SRPK2: variants seen among roughly 807,000 people sequenced by gnomAD.
SRPK2 encodes the protein SFRS protein kinase 2.
Under a neutral mutation model 90.8 loss-of-function variants are expected in SRPK2, and 21 were observed. The ratio of observed to expected loss-of-function variants is 0.23; its 90% CI spans 0.16 to 0.33. The LOEUF (loss-of-function observed/expected upper bound fraction) is 0.33. Ranked by LOEUF, SRPK2 falls within the 10% of genes least tolerant of loss-of-function variation. The pLI is 1.00. For missense variants in SRPK2, 620 were observed against 869.0 expected (o/e 0.71, Z 3.60); for synonymous variants, 288 against 311.1 (o/e 0.93, Z 0.78).
rs575674549 is a variant in SRPK2, at chr7:105,233,080, A to G, written c.72-29295T>C. Among the ~76,000 whole-genome samples the G allele has an allele frequency of 8.9e-4, 104 of 117,158 alleles. 1 individual carries two copies. Among genetic ancestry groups the G allele is most frequent in the Admixed American group, 2.6e-3 (29 of 11,244 alleles). The allele number at this position is 117,158 out of a possible 152,430, so 76.9% of individuals were successfully genotyped here. On this transcript the variant is annotated intron_variant, in intron 2 of 15. Coordinates refer to ENST00000393651, the MANE Select transcript of SRPK2 (RefSeq NM_182692.3). ...GGAGGGAGCAAGGAAGGAAGGAAGG[A>G]AAGGAAGGAAAGAAGGAAGGAAGGA...
intron 2 of SRPK2, among the ~76,000 whole-genome samples, chr7:105,211,700 G>A (rs959004993): frequency 1.3e-5 from 2 of 151,998 alleles, no homozygotes; most frequent in African/African-American, 2.4e-5. Context: ...TCCAACATTC[G>A]GGATTACAAT....
At chr7:105,149,396 G>A (rs1181965049) in intron 7 of SRPK2, among the ~76,000 whole-genome samples, 2 of 152,098 alleles carry the variant, frequency 1.3e-5, no homozygotes, top group Non-Finnish European at 2.9e-5. Flanking sequence ...AGATTCTATT[G>A]CTCACGTGTT....
At chr7:105,173,394 A>G (rs1791405841) in intron 3 of SRPK2, among the ~76,000 whole-genome samples, 1 of 152,194 alleles carries the variant, frequency 6.6e-6, no homozygotes. Context: ...TTTCCTACAC[A>G]ATCAAGTATC....
chr7:105,210,632 T>C (rs1384296462), intron 2 of SRPK2, among the ~76,000 whole-genome samples: 1 of 152,022 alleles, frequency 6.6e-6, no homozygotes, highest in Admixed American at 6.5e-5. Context: ...AATCTCCTGC[T>C]TCTCTTGAGT....
chr7:105,335,580 C>A (rs1411702197), intron 2 of SRPK2, among the ~76,000 whole-genome samples: 1 of 151,082 alleles, frequency 6.6e-6, no homozygotes, highest in Non-Finnish European at 1.5e-5. Context: ...TCGACTGAGC[C>A]CAGGAGGTGG....
chr7:105,387,501 TG>T, intron 2 of SRPK2, among the ~76,000 whole-genome samples: 1 of 144,038 alleles, frequency 6.9e-6, no homozygotes, highest in South Asian at 2.3e-4. Context: ...CTTACTCTAA[TG>T]GTTTTTTCTT....
intron 2 of SRPK2, among the ~76,000 whole-genome samples, chr7:105,248,373 T>G (rs1002137562): frequency 1.1e-4 from 17 of 150,652 alleles, no homozygotes; most frequent in African/African-American, 4.2e-4. Context: ...ACAAGATTGT[T>G]TAAGTCCAGG....
At chr7:105,244,996 A>G in intron 2 of SRPK2, 1 of 956,806 alleles carries the variant, frequency 1.0e-6, no homozygotes, top group Non-Finnish European at 1.6e-6. Context: ...CTCTCCCTGA[A>G]ATAAAGAACA....
chr7:105,162,945 A>T (rs919327224), intron 6 of SRPK2, among the ~76,000 whole-genome samples: 1 of 152,262 alleles, frequency 6.6e-6, no homozygotes, highest in Non-Finnish European at 1.5e-5. Context: ...TCGGACACAG[A>T]AGAAGTGAGT....
Position 105,344,406 on chromosome 7 carries a change from CCTTTTTTTTT to C in SRPK2, c.71+44232_71+44241del, listed in dbSNP as rs1198401608. Reference sequence around the variant, plus strand: ...AGGACCCCAGGTGTATGCAGCCACACCTTTTTTTTTTTTTTTTTTTTTTTTTTGGTAGAGA... The same window carrying C: ...AGGACCCCAGGTGTATGCAGCCACACTTTTTTTTTTTTTTTTTGGTAGAGA... On this transcript the variant is annotated intron_variant, in intron 2 of 15. Transcript: ENST00000393651. Among the ~76,000 whole-genome samples the C allele has an allele frequency of 3.9e-5, 5 of 128,612 alleles. 1 individual carries two copies. In the East Asian group the frequency reaches 9.8e-4, roughly 25 times the overall value. 84.4% of individuals were successfully genotyped at this position (128,612 alleles called of 152,430 possible). A position where few individuals can be genotyped will look rare whatever the true frequency, so the allele number is the denominator to read the frequency against.
At chr7:105,146,078 A>G (rs1804582550) in intron 8 of SRPK2, among the ~76,000 whole-genome samples, 1 of 152,168 alleles carries the variant, frequency 6.6e-6, no homozygotes, top group Admixed American at 6.5e-5. Flanking sequence ...ACTAACTCCA[A>G]ATCTGTTGAT....
intron 2 of SRPK2, among the ~76,000 whole-genome samples, chr7:105,223,839 A>G (rs1343165047): frequency 2.0e-5 from 3 of 152,244 alleles, no homozygotes; most frequent in African/African-American, 4.8e-5. Context: ...TTCATGCGGT[A>G]AAAGTATTGT....
At chr7:105,132,673 G>T in intron 13 of SRPK2, 118 bp downstream of exon 13, 1 of 770,298 alleles carries the variant, frequency 1.3e-6, no homozygotes, top group Non-Finnish European at 2.1e-6. Flanking sequence ...AGCCCACGGT[G>T]GATGACCCTT....
chr7:105,359,058 C>T (rs1470127812), intron 2 of SRPK2, among the ~76,000 whole-genome samples: 2 of 149,064 alleles, frequency 1.3e-5, no homozygotes, highest in Non-Finnish European at 3.0e-5. Context: ...CCACCCCCTA[C>T]AATCCAAACA....
intron 2 of SRPK2, among the ~76,000 whole-genome samples, chr7:105,341,050 C>T (rs767154585): frequency 6.6e-6 from 1 of 151,980 alleles, no homozygotes; most frequent in Non-Finnish European, 1.5e-5. Context: ...ATTTATCTCA[C>T]GCAGGATATG....
intron 2 of SRPK2, among the ~76,000 whole-genome samples, chr7:105,268,062 A>G (rs1805338710): frequency 6.6e-6 from 1 of 152,246 alleles, no homozygotes. Flanking sequence ...AGGCAACTAT[A>G]GCCTTATTTC....
intron 2 of SRPK2, among the ~76,000 whole-genome samples, chr7:105,319,339 T>G (rs1812645514): frequency 6.6e-6 from 1 of 152,156 alleles, no homozygotes; most frequent in African/African-American, 2.4e-5. Flanking sequence ...TATACAGCCC[T>G]CCATTTATGG....
intron 15 of SRPK2, among the ~76,000 whole-genome samples, chr7:105,122,519 T>C (rs1188830289): frequency 6.6e-6 from 1 of 152,174 alleles, no homozygotes; most frequent in Non-Finnish European, 1.5e-5. Flanking sequence ...ACGAAAGAGC[T>C]TTCTTTGCTC....
rs117400686 is a variant in SRPK2, at chr7:105,322,331, C to T, written c.71+66317G>A. Among the ~76,000 whole-genome samples the T allele has an allele frequency of 1.7e-3, 254 of 152,208 alleles. 4 individuals are homozygous for T. In the East Asian group the frequency reaches 0.04, roughly 24 times the overall value. On this transcript the variant is annotated intron_variant, in intron 2 of 15. Coordinates refer to ENST00000393651, the MANE Select transcript of SRPK2 (RefSeq NM_182692.3). ...ACTCAGGAGGCTGAAGCAGGAGAAT[C>T]GTTTGAAGCCAAGAGGTGGAGGCTG...
Sources: allele counts gnomAD v4.1 joint callset (sites outside exome capture counted in the v4.1 genomes callset), GRCh38; gene constraint gnomAD v4.1.1; transcripts MANE v1.5; gene names NCBI Gene and HGNC (gene_info 2026-07-23, HGNC 2026-07-21).